The following LTO1 variants were observed in gnomAD, a reference collection of about 807,000 sequenced individuals.
LTO1 encodes the protein protein LTO1 homolog.
In LTO1, 18 loss-of-function variants were observed where a neutral mutation model predicts 19.8. The ratio of observed to expected loss-of-function variants is 0.91; its 90% CI spans 0.63 to 1.35. The LOEUF (loss-of-function observed/expected upper bound fraction) is 1.35, where lower values mean the gene tolerates loss of function less well. LTO1 is among the 40% of genes most tolerant of loss of function. The pLI is 0.00. For synonymous variants in LTO1, 59 were observed against 59.6 expected, an observed-to-expected ratio of 0.99 and a Z score of 0.05; for missense variants, 175 against 167.9, an observed-to-expected ratio of 1.04 and a Z score of -0.23.
At chr11:69,674,202 G>C (rs931134724) in intron 1 of LTO1, among the ~76,000 whole-genome samples, 1 of 152,192 alleles carries the variant, frequency 6.6e-6, no homozygotes, top group Non-Finnish European at 1.5e-5. Flanking sequence ...TGCAGCCAGA[G>C]TTAGGGGGCC....
rs1189139636 is a variant in LTO1, at chr11:69,665,594, TAC to T, written c.*1923_*1924del. On this transcript the variant is annotated 3_prime_UTR_variant, in exon 5 of 5. Coordinates refer to ENST00000279147, the MANE Select transcript of LTO1 (RefSeq NM_153451.3). ...TTTAAAATATGCTATTTACTTTTTTTACAGTTATAAAAATAATACATTATCAA... is the reference window on the plus strand; with the variant it reads ...TTTAAAATATGCTATTTACTTTTTTTAGTTATAAAAATAATACATTATCAA... The T allele has an allele frequency of 1.3e-5, 2 of 152,204 alleles. No individual in the cohort carries two copies. Among genetic ancestry groups the T allele is most frequent in the Non-Finnish European group, 2.9e-5 (2 of 68,048 alleles). The allele number at this position is 152,204 out of a possible 1,614,324, so 9.4% of individuals were successfully genotyped here.
At chr11:69,674,607 C>T in intron 1 of LTO1, 1 of 370,254 alleles carries the variant, frequency 2.7e-6, no homozygotes, top group South Asian at 2.0e-5. Context: ...GTCTGACTCA[C>T]AGCGCGAGCT....
chr11:69,673,498 G>C, intron 1 of LTO1, 177 bp from the exon 2 acceptor site: 1 of 581,276 alleles, frequency 1.7e-6, no homozygotes, highest in Non-Finnish European at 3.1e-6. Flanking sequence ...CTTCCTATTT[G>C]CCTCTGGAAG....
rs1270661112 is a variant in LTO1 at position 69,671,580 on chromosome 11, T to C, written c.227+169A>G. Reference sequence around the variant, plus strand: ...CCTAAAATGTGCCTGGCACTTTCTATTTAGTATTTCCGTTAAATCTCCTAA... The same window carrying C: ...CCTAAAATGTGCCTGGCACTTTCTACTTAGTATTTCCGTTAAATCTCCTAA... On this transcript the variant is annotated intron_variant, in intron 3 of 4. Coordinates refer to ENST00000279147, the MANE Select transcript of LTO1 (RefSeq NM_153451.3). 15 of 588,180 alleles carry C rather than the reference T, an allele frequency of 2.6e-5. No homozygotes were observed. The East Asian group carries it at 4.3e-4, about 17-fold the overall frequency. 36.4% of individuals were successfully genotyped at this position (588,180 alleles called of 1,614,324 possible).
At chr11:69,673,839 C>T (rs1856148133) in intron 1 of LTO1, among the ~76,000 whole-genome samples, 1 of 152,004 alleles carries the variant, frequency 6.6e-6, no homozygotes, top group South Asian at 2.1e-4. Context: ...AAGTGAGGGC[C>T]ACCGCACCTG....
At chr11:69,670,953 C>A (rs1035088534) in intron 3 of LTO1, among the ~76,000 whole-genome samples, 5 of 152,088 alleles carry the variant, frequency 3.3e-5, no homozygotes, top group African/African-American at 1.2e-4. Context: ...CAGGCTGGAG[C>A]GCAGTGGCAT....
chr11:69,674,095 C>T (rs184279715), intron 1 of LTO1, among the ~76,000 whole-genome samples: 427 of 152,194 alleles, frequency 2.8e-3, no homozygotes, highest in African/African-American at 8.5e-3. Flanking sequence ...CCTCGTGATC[C>T]GCCCGCCTCG....
intron 1 of LTO1, chr11:69,674,544 C>T (rs1368556114): frequency 2.9e-6 from 1 of 349,616 alleles, no homozygotes; most frequent in Non-Finnish European, 5.6e-6. Flanking sequence ...TAATAGGATC[C>T]ACTTACTAAG....
intron 3 of LTO1, among the ~76,000 whole-genome samples, chr11:69,669,020 T>A (rs1267491070): frequency 3.1e-5 from 3 of 97,560 alleles, no homozygotes; most frequent in Non-Finnish European, 5.5e-5. Context: ...AGAGTGAGAA[T>A]CCGTCTCAAA....
rs1157123401 is a variant in LTO1, at chr11:69,673,222, C to T, written c.150G>A (p.Gly50=). ...QHGTLHGAKI[G]SEIGCYQGFA... is the part of the protein sequence containing the mutation. ...GATGGGGGTTCCCACTTACCTCAGA[C>T]CCGATTTTGGCTCCATGCAGCGTGC... is the stretch of plus-strand genomic sequence containing the variant. The change falls in exon 2 of 5, where the codon GGG becomes GGA. Residue 50 remains glycine (G), a synonymous_variant. Coordinates refer to ENST00000279147, the MANE Select transcript of LTO1 (RefSeq NM_153451.3). 1.9e-6 allele frequency: 3 copies of T among 1,595,840 alleles called. No individual in the cohort carries two copies. In the East Asian group the frequency reaches 6.7e-5, roughly 36 times the overall value.
In LTO1 at chr11:69,671,798, CA is replaced by C; in HGVS notation, c.177del (p.Phe59LeufsTer21). On this transcript the variant is annotated frameshift_variant, in exon 3 of 5. Transcript: ENST00000279147. LOFTEE classifies it high-confidence loss of function. ...IGSEIGCYQG[F>X]AFAWKCLLHS... The stretch of plus-strand genomic sequence containing the variant: ...TGCAGTAGACATTTCCATGCAAAAG[CA>C]AAACCTTGGTAGCACCCGATCTGTG... 1 of 1,601,232 alleles carries C rather than the reference CA, an allele frequency of 6.2e-7. No homozygotes were observed. Among genetic ancestry groups the C allele is most frequent in the Non-Finnish European group, 8.6e-7 (1 of 1,168,338 alleles).
At chr11:69,667,836 C>A (rs972938495) in intron 4 of LTO1, 59 bp downstream of exon 4, 22 of 935,998 alleles carry the variant, frequency 2.4e-5, no homozygotes, top group Non-Finnish European at 3.7e-5. Flanking sequence ...GTGCGCTGCC[C>A]CGCCTGGGAA....
chr11:69,673,094 C>T (rs757605828), intron 2 of LTO1, 122 bp downstream of exon 2: 21 of 740,138 alleles, frequency 2.8e-5, no homozygotes, highest in Non-Finnish European at 3.5e-5. Flanking sequence ...TGAGTCACCG[C>T]GCCCATCCGG....
chr11:69,673,364 A>G lies in LTO1; in HGVS notation c.51-43T>C, dbSNP rs775446122. On this transcript the variant is annotated intron_variant, in intron 1 of 4. Coordinates refer to ENST00000279147, the MANE Select transcript of LTO1 (RefSeq NM_153451.3). ...GCTTCATCAAATCAACAGGAGAAAG[A>G]ATACTTTCTCCAGAAAAACTTCTCT... The G allele has an allele frequency of 3.9e-6, 5 of 1,288,526 alleles. No individual in the cohort carries two copies. In the African/African-American group the frequency reaches 7.3e-5, roughly 19 times the overall value. 79.8% of individuals were successfully genotyped at this position (1,288,526 alleles called of 1,614,324 possible).
At position 69,673,283 on chromosome 11, in the gene LTO1, C is replaced by G; in HGVS notation, c.89G>C (p.Gly30Ala). The G allele has an allele frequency of 6.2e-7, 1 of 1,613,568 alleles. No individual in the cohort carries two copies. The highest frequency in any genetic ancestry group is 8.5e-7 in the Non-Finnish European group (1 of 1,179,464). Residue 30 changes from glycine (G) to alanine (A), a missense_variant, in exon 2 of 5, where the codon GGC becomes GCC. Transcript: ENST00000279147. ...TCCCTCCATCACACCCAAACTACTG[C>G]CTTCTTCATAGCCTTCCCGATACCC... ...GEGYREGYEE[G>A]SSLGVMEGRQ...
At chr11:69,669,343 AG>A (rs2119840313) in intron 3 of LTO1, among the ~76,000 whole-genome samples, 1 of 152,338 alleles carries the variant, frequency 6.6e-6, no homozygotes, top group African/African-American at 2.4e-5. Context: ...AGCAATTCAA[AG>A]CAACCAAGAC....
Position 69,671,743 on chromosome 11 carries a change from C to G in LTO1, c.227+6G>C. 6.4e-7 allele frequency: 1 copy of G among 1,554,008 alleles called. No homozygotes were observed. ...CGCTGAGAAAGAAAGACATCTCCAC[C>G]TTTACCTGTCCTTCTCAGTGGTGCA... On this transcript the variant is annotated splice_donor_region_variant and intron_variant, in intron 3 of 4. Transcript: ENST00000279147.
chr11:69,667,626 A>G, intron 4 of LTO1, 39 bp from the exon 5 acceptor site: 2 of 1,395,408 alleles, frequency 1.4e-6, no homozygotes, highest in South Asian at 2.3e-5. Flanking sequence ...AATCTTGTGC[A>G]TTTTTACTGA....
intron 4 of LTO1, 101 bp from the exon 5 acceptor site, chr11:69,667,688 C>T: frequency 1.1e-6 from 1 of 889,928 alleles, no homozygotes; most frequent in African/African-American, 1.7e-5. Flanking sequence ...GTCTATGTGG[C>T]CAGCCCATAA....
Sources: gnomAD v4.1 joint callset for allele counts (sites outside exome capture counted in the v4.1 genomes callset) on GRCh38, gnomAD v4.1.1 for gene constraint, MANE v1.5 for transcripts, NCBI Gene and HGNC (gene_info 2026-07-23, HGNC 2026-07-21) for gene names.